Variants in NEK10 observed in about 807,000 individuals in gnomAD.
The protein encoded by NEK10 is NIMA related kinase 10, also known as serine/threonine-protein kinase Nek10.
In NEK10, 122 loss-of-function variants were observed where a neutral mutation model predicts 159.8. That is an observed-to-expected ratio of 0.76 (90% CI 0.66 to 0.89). The LOEUF is 0.89. Ranked by LOEUF, NEK10 falls within the 40% of genes least tolerant of loss-of-function variation. NEK10 has a pLI of 0.00. For missense variants in NEK10, 1,342 were observed against 1,323.1 expected (o/e 1.01, Z -0.22); for synonymous variants, 466 against 457.1 (o/e 1.02, Z -0.25).
At position 27,106,562 on chromosome 3, in the gene NEK10, G is replaced by A. The variant is rs1156707550; in HGVS notation, c.*4710C>T. ...CTATTTCAGAATCTTGACTCAAATG[G>A]CACTTGAAATGCAGAGCTAAATCAT... is the stretch of plus-strand genomic sequence containing the variant. On this transcript the variant is annotated 3_prime_UTR_variant, in exon 36 of 36. Transcript: ENST00000691995. Among the ~76,000 whole-genome samples, 1 of 152,142 alleles carries A rather than the reference G, an allele frequency of 6.6e-6. No homozygotes were observed. The highest frequency in any genetic ancestry group is 1.5e-5 in the Non-Finnish European group (1 of 68,036).
At chr3:27,134,719 G>C (rs2125537519) in intron 31 of NEK10, among the ~76,000 whole-genome samples, 1 of 152,202 alleles carries the variant, frequency 6.6e-6, no homozygotes, top group South Asian at 2.1e-4. Context: ...GAAAGCTATT[G>C]ATCTTACTGG....
intron 1 of NEK10, among the ~76,000 whole-genome samples, chr3:27,368,224 G>C (rs1042387802): frequency 2.0e-5 from 3 of 152,006 alleles, no homozygotes. Flanking sequence ...CCCGGAAGGC[G>C]GAGGCTGCAG....
chr3:27,314,804 C>T (rs1180305543), intron 6 of NEK10, among the ~76,000 whole-genome samples: 1 of 152,204 alleles, frequency 6.6e-6, no homozygotes, highest in African/African-American at 2.4e-5. Flanking sequence ...GCAGCACCCT[C>T]ATTACCTGGG....
intron 26 of NEK10, among the ~76,000 whole-genome samples, chr3:27,183,959 G>C (rs967847025): frequency 6.6e-6 from 1 of 152,132 alleles, no homozygotes; most frequent in Non-Finnish European, 1.5e-5. Flanking sequence ...GATGTGGAAC[G>C]TCTAGAACTC....
intron 33 of NEK10, 61 bp downstream of exon 33, chr3:27,119,699 T>C: frequency 2.4e-6 from 3 of 1,257,562 alleles, no homozygotes; most frequent in Middle Eastern, 1.9e-4. Context: ...TAGAAATAGC[T>C]GTTGATCCAA....
chr3:27,256,173 G>T, intron 23 of NEK10, 123 bp downstream of exon 23: 1 of 473,590 alleles, frequency 2.1e-6, no homozygotes. Flanking sequence ...CTAGATAATT[G>T]AAAAAACTTA....
chr3:27,290,794 G>C (rs746268841), intron 18 of NEK10, 40 bp from the exon 19 acceptor site: 6 of 1,484,352 alleles, frequency 4.0e-6, no homozygotes, highest in Non-Finnish European at 5.5e-6. Context: ...AAAGGAACAG[G>C]GTAAAGAAGG....
At chr3:27,362,140 C>T (rs1467127677) in intron 1 of NEK10, among the ~76,000 whole-genome samples, 1 of 152,092 alleles carries the variant, frequency 6.6e-6, no homozygotes. Flanking sequence ...GAACTGTGAA[C>T]TTGAAGAAGG....
At chr3:27,280,095 GAAA>G (rs1203824501) in intron 22 of NEK10, among the ~76,000 whole-genome samples, 1 of 69,466 alleles carries the variant, frequency 1.4e-5, no homozygotes, top group Non-Finnish European at 2.8e-5. Context: ...CCCTAAAATG[GAAA>G]AAAAAAAAAA....
At chr3:27,314,158 C>A in intron 7 of NEK10, 139 bp downstream of exon 7, 1 of 671,606 alleles carries the variant, frequency 1.5e-6, no homozygotes, top group Non-Finnish European at 2.7e-6. Context: ...CTCACACTCA[C>A]ACTTAACGCT....
intron 5 of NEK10, among the ~76,000 whole-genome samples, chr3:27,340,911 G>A (rs2047157394): frequency 6.6e-6 from 1 of 152,144 alleles, no homozygotes; most frequent in African/African-American, 2.4e-5. Flanking sequence ...GTTTATTGCA[G>A]CACTGTTCAC....
chr3:27,119,940 GT>G (rs1941050327), intron 32 of NEK10, 72 bp from the exon 33 acceptor site: 5 of 1,113,116 alleles, frequency 4.5e-6, no homozygotes, highest in East Asian at 4.7e-5. Context: ...TCTGTGTGGG[GT>G]TTTTCATTTC....
chr3:27,347,335 T>C (rs1201061442), intron 3 of NEK10, among the ~76,000 whole-genome samples: 3 of 151,702 alleles, frequency 2.0e-5, no homozygotes, highest in Non-Finnish European at 2.9e-5. Context: ...GAAACCCGTC[T>C]CTATTAAAAA....
chr3:27,357,142 A>T (rs1432832119), intron 1 of NEK10, among the ~76,000 whole-genome samples: 3 of 152,170 alleles, frequency 2.0e-5, no homozygotes, highest in Non-Finnish European at 4.4e-5. Flanking sequence ...AAAATCCAAT[A>T]TCAAATGTAT....
At chr3:27,210,371 A>G (rs1950901255) in intron 23 of NEK10, among the ~76,000 whole-genome samples, 1 of 152,096 alleles carries the variant, frequency 6.6e-6, no homozygotes, top group African/African-American at 2.4e-5. Context: ...TTAATCCATG[A>G]ATGGATCCTC....
intron 26 of NEK10, among the ~76,000 whole-genome samples, chr3:27,185,581 T>C (rs1043733412): frequency 2.0e-5 from 3 of 152,194 alleles, no homozygotes; most frequent in Admixed American, 2.0e-4. Context: ...ACCATCCCTA[T>C]GGATTTTGCA....
At chr3:27,306,700 A>T (rs192218022) in intron 11 of NEK10, among the ~76,000 whole-genome samples, 12 of 152,344 alleles carry the variant, frequency 7.9e-5, no homozygotes, top group Non-Finnish European at 1.8e-4. Context: ...TACGGGAAAA[A>T]TAGGGTTAAT....
intron 18 of NEK10, 96 bp from the exon 19 acceptor site, chr3:27,290,850 G>A: frequency 1.1e-6 from 1 of 879,154 alleles, no homozygotes; most frequent in African/African-American, 1.7e-5. Context: ...AAAGTCACAT[G>A]AGTAACTAAG....
chr3:27,208,881 C>T (rs35585874), intron 23 of NEK10, among the ~76,000 whole-genome samples: 35,750 of 152,112 alleles, frequency 0.24, 4,550 homozygotes, highest in Middle Eastern at 0.38. Flanking sequence ...TCTCAGCTCA[C>T]AGATGACTAC....
Sources: gnomAD v4.1 joint callset for allele counts (sites outside exome capture counted in the v4.1 genomes callset) on GRCh38, gnomAD v4.1.1 for gene constraint, MANE v1.5 for transcripts, NCBI Gene and HGNC (gene_info 2026-07-23, HGNC 2026-07-21) for gene names.